Variants in DPP6 observed in about 807,000 individuals in gnomAD.
The protein encoded by DPP6 is A-type potassium channel modulatory protein DPP6.
A neutral mutation model predicts 122.6 loss-of-function variants in DPP6; 69 were observed. The ratio of observed to expected loss-of-function variants is 0.56; its 90% confidence interval spans 0.46 to 0.69. The LOEUF is 0.69. Ranked by LOEUF, DPP6 falls within the 30% of genes least tolerant of loss-of-function variation. The probability of loss-of-function intolerance (pLI) is 0.00; values close to 1 mark genes in which losing one functional copy is unlikely to be tolerated. For synonymous variants in DPP6, 418 were observed against 433.1 expected, an observed-to-expected ratio of 0.97 and a Z score of 0.43; for missense variants, 928 against 1,116.9, an observed-to-expected ratio of 0.83 and a Z score of 2.41.
At chr7:154,007,979 G>A (rs1334332570) in intron 1 of DPP6, among the ~76,000 whole-genome samples, 4 of 152,196 alleles carry the variant, frequency 2.6e-5, no homozygotes, top group Non-Finnish European at 5.9e-5. Flanking sequence ...GAGATGCAAC[G>A]GAGTGTGGGC....
At chr7:154,804,045 C>A in intron 14 of DPP6, 90 bp downstream of exon 14, 1 of 1,461,686 alleles carries the variant, frequency 6.8e-7, no homozygotes, top group Non-Finnish European at 9.3e-7. Context: ...AGTACAGGAG[C>A]ACAGGAGGCC....
intron 5 of DPP6, chr7:154,587,576 C>A: frequency 2.0e-6 from 3 of 1,471,028 alleles, no homozygotes; most frequent in Non-Finnish European, 2.7e-6. Context: ...TCCCATGCCC[C>A]AAAATAGCAT....
intron 1 of DPP6, among the ~76,000 whole-genome samples, chr7:154,374,734 C>A (rs1358500880): frequency 6.6e-6 from 1 of 152,022 alleles, no homozygotes; most frequent in Non-Finnish European, 1.5e-5. Context: ...GCCTCAGCCT[C>A]CCAAGTAGCT....
At chr7:154,248,130 G>A (rs898788085) in intron 1 of DPP6, among the ~76,000 whole-genome samples, 3 of 152,090 alleles carry the variant, frequency 2.0e-5, no homozygotes, top group Non-Finnish European at 4.4e-5. Context: ...GGGCCCCTTT[G>A]TAAGTGCACT....
At chr7:154,769,284 C>T in intron 8 of DPP6, 133 bp from the exon 9 acceptor site, 1 of 1,160,374 alleles carries the variant, frequency 8.6e-7, no homozygotes, top group Non-Finnish European at 1.2e-6. Context: ...GTGAAGGTTC[C>T]TCAAAGGTTG....
intron 4 of DPP6, among the ~76,000 whole-genome samples, chr7:154,555,584 T>TGC (rs1829974766): frequency 2.0e-5 from 3 of 152,178 alleles, no homozygotes; most frequent in South Asian, 4.1e-4. Flanking sequence ...ACCTGCATGT[T>TGC]GCGCACATGT....
At chr7:154,340,023 A>AG (rs1162786886) in intron 1 of DPP6, among the ~76,000 whole-genome samples, 2 of 152,144 alleles carry the variant, frequency 1.3e-5, no homozygotes, top group African/African-American at 4.8e-5. Flanking sequence ...CAGTGAGCCA[A>AG]GATTGCGCCA....
At chr7:154,391,782 A>G (rs1814642952) in intron 1 of DPP6, among the ~76,000 whole-genome samples, 1 of 152,178 alleles carries the variant, frequency 6.6e-6, no homozygotes, top group Admixed American at 6.5e-5. Context: ...GACCTGATGT[A>G]GGGTTCTCTG....
Position 154,060,888 on chromosome 7 carries a change from C to A in DPP6, c.243+7825C>A, listed in dbSNP as rs1345675057. 2.1e-5 allele frequency among the ~76,000 whole-genome samples: 3 copies of A among 144,962 alleles called. No homozygotes were observed. The South Asian group carries it at 6.8e-4, about 33-fold the overall frequency. Reference sequence around the variant, plus strand: ...ACCCACATCACAGAGTGGGGAGGCACCCCCCACGAGGCGGGGACTGAGAGC... The same window carrying A: ...ACCCACATCACAGAGTGGGGAGGCAACCCCCACGAGGCGGGGACTGAGAGC... On this transcript the variant is annotated intron_variant, in intron 1 of 25. Transcript: ENST00000377770.
At chr7:153,853,055 T>C in the DPP6 span, among the ~76,000 whole-genome samples, 1 of 152,142 alleles carries the variant, frequency 6.6e-6, no homozygotes, top group South Asian at 2.1e-4. Flanking sequence ...CCCAGGCTAA[T>C]TTTACTTAAA....
chr7:154,480,733 G>A (rs1403604563), intron 3 of DPP6, among the ~76,000 whole-genome samples: 1 of 152,004 alleles, frequency 6.6e-6, no homozygotes, highest in African/African-American at 2.4e-5. Context: ...TCTCTCAGAT[G>A]TCTGAGAGAC....
chr7:154,880,666 A>G (rs1180814936), intron 20 of DPP6, among the ~76,000 whole-genome samples: 5 of 152,228 alleles, frequency 3.3e-5, no homozygotes, highest in Non-Finnish European at 7.3e-5. Context: ...GAAGTGCTAC[A>G]GAGTTATTGC....
intron 3 of DPP6, among the ~76,000 whole-genome samples, chr7:154,499,863 C>T (rs530181681): frequency 1.3e-5 from 2 of 152,038 alleles, no homozygotes; most frequent in African/African-American, 4.8e-5. Context: ...TCATAAGAGT[C>T]AGCATTTAGA....
At chr7:153,966,136 C>A (rs1387884531) in intron 1 of DPP6, among the ~76,000 whole-genome samples, 5 of 96,022 alleles carry the variant, frequency 5.2e-5, no homozygotes, top group African/African-American at 1.8e-4. Flanking sequence ...ATCATGAAAG[C>A]GACCCCTCTC....
Position 154,773,021 on chromosome 7 carries a change from C to T in DPP6, c.1136+79C>T, listed in dbSNP as rs145752980. On this transcript the variant is annotated intron_variant, in intron 10 of 25. Transcript: ENST00000377770. ...TCAATGTGCATGGTCTCTTCTGGAT[C>T]AGATTTATCTTACAACAAGTTTAAA... is the stretch of plus-strand genomic sequence containing the variant. 245 of 1,397,238 alleles carry T rather than the reference C, an allele frequency of 1.8e-4. 1 individual carries two copies. The African/African-American group carries it at 3.2e-3, about 18-fold the overall frequency. 86.6% of individuals were successfully genotyped at this position (1,397,238 alleles called of 1,614,324 possible). A position where few individuals can be genotyped will look rare whatever the true frequency, so the allele number is the denominator to read the frequency against.
At chr7:154,689,215 G>A (rs989627122) in intron 7 of DPP6, among the ~76,000 whole-genome samples, 2 of 152,216 alleles carry the variant, frequency 1.3e-5, no homozygotes, top group African/African-American at 4.8e-5. Flanking sequence ...GGAATGTGAA[G>A]TTGCTGTAGA....
At chr7:154,542,480 A>G (rs1261746868) in intron 4 of DPP6, among the ~76,000 whole-genome samples, 2 of 152,190 alleles carry the variant, frequency 1.3e-5, no homozygotes, top group East Asian at 3.8e-4. Context: ...TTAGCAATGA[A>G]ATACATGAAT....
chr7:154,539,637 AAAG>A (rs1423654607), intron 3 of DPP6, among the ~76,000 whole-genome samples: 1 of 151,794 alleles, frequency 6.6e-6, no homozygotes, highest in Non-Finnish European at 1.5e-5. Context: ...ATAATACAAA[AAAG>A]AAAAAAAAAA....
chr7:154,560,306 G>A (rs960244290), intron 4 of DPP6, among the ~76,000 whole-genome samples: 1 of 152,138 alleles, frequency 6.6e-6, no homozygotes, highest in African/African-American at 2.4e-5. Flanking sequence ...ACTTCTGTCT[G>A]AACCTTTGTC....
Sources: allele counts gnomAD v4.1 joint callset (sites outside exome capture counted in the v4.1 genomes callset), GRCh38; gene constraint gnomAD v4.1.1; transcripts MANE v1.5; gene names NCBI Gene and HGNC (gene_info 2026-07-23, HGNC 2026-07-21).